The following MTA3 variants were observed in gnomAD, a reference collection of about 807,000 sequenced individuals.
MTA3 encodes the protein metastasis associated 1 family member 3, also known as metastasis-associated protein MTA3.
In MTA3, 34 loss-of-function variants were observed where a neutral mutation model predicts 83.5. The ratio of observed to expected loss-of-function variants is 0.41; its 90% CI spans 0.31 to 0.54. MTA3 has a LOEUF of 0.54. Among genes scored for constraint, MTA3 ranks in the 20% least tolerant of loss-of-function variants. The pLI, the probability that MTA3 is intolerant of heterozygous loss-of-function variation, is 0.33. For missense variants in MTA3, 761 were observed against 726.4 expected (o/e 1.05, Z -0.55); for synonymous variants, 303 against 252.7 (o/e 1.20, Z -1.89).
chr2:42,648,280 A>G (rs1277524825), intron 6 of MTA3, among the ~76,000 whole-genome samples: 1 of 152,244 alleles, frequency 6.6e-6, no homozygotes, highest in East Asian at 1.9e-4. Flanking sequence ...ACCTGATTGC[A>G]GGGAAGTTAA....
intron 16 of MTA3, chr2:42,752,292 C>G: frequency 2.1e-6 from 1 of 471,194 alleles, no homozygotes; most frequent in South Asian, 1.5e-5. Context: ...CCTTGGCATG[C>G]TCTGAGGCTG....
intron 2 of MTA3, among the ~76,000 whole-genome samples, chr2:42,527,467 T>C (rs996426584): frequency 2.6e-5 from 4 of 152,134 alleles, no homozygotes; most frequent in Non-Finnish European, 4.4e-5. Flanking sequence ...TCCTCTAGAT[T>C]CCTTTTCAGA....
At chr2:42,725,727 T>TG (rs1364412967) in intron 16 of MTA3, among the ~76,000 whole-genome samples, 1 of 152,156 alleles carries the variant, frequency 6.6e-6, no homozygotes, top group African/African-American at 2.4e-5. Flanking sequence ...TGCACCTACC[T>TG]GGGGGGACAC....
At chr2:42,518,968 AACACACAC>A (rs60877713) in intron 2 of MTA3, among the ~76,000 whole-genome samples, 4,836 of 114,518 alleles carry the variant, frequency 0.042, 190 homozygotes, top group East Asian at 0.085. Context: ...CCTTTCTCAA[AACACACAC>A]ACACACACAC....
intron 9 of MTA3, chr2:42,682,841 G>C (rs905741734): frequency 2.1e-5 from 8 of 385,850 alleles, no homozygotes; most frequent in Non-Finnish European, 3.3e-5. Flanking sequence ...GGGAGGCCGA[G>C]GTGGGTGAAT....
chr2:42,755,779 G>T lies in MTA3; in HGVS notation c.*2380G>T, dbSNP rs1462544891. ...GTCAGTGGCATGTCACTGTGGTTCA[G>T]TGAGCACATGGGTGGACGTGCAGAG... On this transcript the variant is annotated 3_prime_UTR_variant, in exon 17 of 17. Transcript: ENST00000405094. The T allele has an allele frequency of 3.0e-6, 3 of 985,458 alleles. No homozygotes were observed. The highest frequency in any genetic ancestry group is 1.1e-4 in the East Asian group (1 of 8,824). 61.0% of individuals were successfully genotyped at this position (985,458 alleles called of 1,614,324 possible). A position where few individuals can be genotyped will look rare whatever the true frequency, so the allele number is the denominator to read the frequency against.
chr2:42,558,835 G>A (rs905937497), intron 2 of MTA3, among the ~76,000 whole-genome samples: 4 of 151,700 alleles, frequency 2.6e-5, no homozygotes, highest in Admixed American at 6.6e-5. Context: ...GATTACAGGC[G>A]TGAGCCACCG....
chr2:42,571,400 A>G (rs971801549), intron 2 of MTA3, among the ~76,000 whole-genome samples: 28 of 151,912 alleles, frequency 1.8e-4, no homozygotes, highest in African/African-American at 6.5e-4. Flanking sequence ...AAAAAAAAAA[A>G]AAAAAAAAAA....
intron 4 of MTA3, among the ~76,000 whole-genome samples, chr2:42,624,656 A>G (rs1213207982): frequency 6.6e-6 from 1 of 152,156 alleles, no homozygotes; most frequent in Non-Finnish European, 1.5e-5. Context: ...GTATTAACTT[A>G]TAGCAGAGCT....
chr2:42,658,505 A>G (rs1689381189), intron 7 of MTA3, among the ~76,000 whole-genome samples: 1 of 152,210 alleles, frequency 6.6e-6, no homozygotes, highest in African/African-American at 2.4e-5. Flanking sequence ...AGCTGTAGCT[A>G]ACAACATGGA....
intron 3 of MTA3, among the ~76,000 whole-genome samples, chr2:42,581,360 C>CTTTTTTT (rs778419810): frequency 2.3e-5 from 2 of 88,272 alleles, no homozygotes; most frequent in Non-Finnish European, 4.6e-5. Flanking sequence ...TCCCAAATTG[C>CTTTTTTT]TTTTTTTTTT....
chr2:42,531,219 C>T (rs967726161), intron 2 of MTA3, among the ~76,000 whole-genome samples: 1 of 152,136 alleles, frequency 6.6e-6, no homozygotes, highest in African/African-American at 2.4e-5. Context: ...TACCTTGGGA[C>T]CTCACAGCCT....
intron 8 of MTA3, among the ~76,000 whole-genome samples, chr2:42,671,960 A>G (rs1316295469): frequency 6.6e-6 from 1 of 152,162 alleles, no homozygotes; most frequent in Non-Finnish European, 1.5e-5. Context: ...TACCCTCATG[A>G]TAAAGGCCAA....
chr2:42,618,368 C>T (rs1685158256), intron 4 of MTA3, among the ~76,000 whole-genome samples: 1 of 152,146 alleles, frequency 6.6e-6, no homozygotes, highest in African/African-American at 2.4e-5. Flanking sequence ...GAATGCTAAT[C>T]CTTCAAGAAT....
chr2:42,525,475 ATTCCTTCC>A lies in MTA3; in HGVS notation c.-141+30246_-141+30253del, dbSNP rs61038484. The stretch of plus-strand genomic sequence containing the variant: ...TCAGCCTCCCAAAGTGCTAGGATCA[ATTCCTTCC>A]TTCCTTCCTTCCTTCCTTCCTTCCC... On this transcript the variant is annotated intron_variant, in intron 2 of 17. Transcript: ENST00000405592. 1.3e-4 allele frequency among the ~76,000 whole-genome samples: 17 copies of A among 135,592 alleles called. No homozygotes were observed. The East Asian group carries it at 2.6e-3, about 20-fold the overall frequency. 89.0% of individuals were successfully genotyped at this position (135,592 alleles called of 152,430 possible). A position where few individuals can be genotyped will look rare whatever the true frequency, so the allele number is the denominator to read the frequency against.
intron 2 of MTA3, among the ~76,000 whole-genome samples, chr2:42,556,231 T>G (rs1171366029): frequency 6.6e-6 from 1 of 152,142 alleles, no homozygotes; most frequent in African/African-American, 2.4e-5. Context: ...TCTCCCCTCC[T>G]GTACTCCTAC....
At chr2:42,643,325 C>A (rs768203679) in intron 5 of MTA3, among the ~76,000 whole-genome samples, 1 of 152,022 alleles carries the variant, frequency 6.6e-6, no homozygotes, top group Non-Finnish European at 1.5e-5. Context: ...CCTTTGGGAT[C>A]GTAGTGGAAA....
chr2:42,756,584 T>C lies in MTA3; in HGVS notation c.*3185T>C, dbSNP rs926971168. The C allele has an allele frequency of 5.1e-6, 5 of 985,672 alleles. No homozygotes were observed. The highest frequency in any genetic ancestry group is 6.0e-6 in the Non-Finnish European group (5 of 830,094). 61.1% of individuals were successfully genotyped at this position (985,672 alleles called of 1,614,324 possible). The stretch of plus-strand genomic sequence containing the variant: ...GTGGAGGAGCTGCCCCGTGGGTGTT[T>C]GGAGATTCTGTTTTACTCTGCCTAG... On this transcript the variant is annotated 3_prime_UTR_variant, in exon 17 of 17. Coordinates refer to ENST00000405094, the MANE Select transcript of MTA3 (RefSeq NM_001330442.2).
chr2:42,583,904 C>T (rs991558936), intron 3 of MTA3, among the ~76,000 whole-genome samples: 1 of 151,226 alleles, frequency 6.6e-6, no homozygotes, highest in Non-Finnish European at 1.5e-5. Flanking sequence ...TGCAGTGGCG[C>T]GTGATCTCAG....
Sources: allele counts gnomAD v4.1 joint callset (sites outside exome capture counted in the v4.1 genomes callset), GRCh38; gene constraint gnomAD v4.1.1; transcripts MANE v1.5; gene names NCBI Gene and HGNC (gene_info 2026-07-23, HGNC 2026-07-21).